RUNX2: variants seen among roughly 807,000 people sequenced by gnomAD.
RUNX2 encodes the protein RUNX family transcription factor 2, also known as runt-related transcription factor 2.
Under a neutral mutation model 51.7 loss-of-function variants are expected in RUNX2, and 10 were observed. The observed-to-expected ratio is 0.19, with a 90% CI of 0.12 to 0.33. The LOEUF (loss-of-function observed/expected upper bound fraction) is 0.33, where lower values mean the gene tolerates loss of function less well. Ranked by LOEUF, RUNX2 falls within the 10% of genes least tolerant of loss-of-function variation. The probability of loss-of-function intolerance (pLI) is 1.00; values close to 1 mark genes in which losing one functional copy is unlikely to be tolerated. For synonymous variants in RUNX2, 276 were observed against 273.6 expected, an observed-to-expected ratio of 1.01 and a Z score of -0.09; for missense variants, 562 against 691.3, an observed-to-expected ratio of 0.81 and a Z score of 2.10.
intron 2 of RUNX2, among the ~76,000 whole-genome samples, chr6:45,344,569 G>C (rs567720219): frequency 6.6e-6 from 1 of 151,766 alleles, no homozygotes; most frequent in South Asian, 2.1e-4. Context: ...ACTGCTTTAC[G>C]ATATGCACAA....
At chr6:45,417,958 C>A (rs957257256) in intron 2 of RUNX2, among the ~76,000 whole-genome samples, 1 of 152,186 alleles carries the variant, frequency 6.6e-6, no homozygotes, top group Non-Finnish European at 1.5e-5. Context: ...AGTGGCAATG[C>A]TGCTTCTTCA....
rs1216477962 is a variant in RUNX2 at position 45,370,991 on chromosome 6, T to C, written c.58+42207T>C. ...TGCCTATCAGATTATCCTTAAGCCC[T>C]GACAAATGGCACATAGCACACTTAC... On this transcript the variant is annotated intron_variant, in intron 2 of 8. Transcript: ENST00000647337. 2.6e-5 allele frequency among the ~76,000 whole-genome samples: 4 copies of C among 152,330 alleles called. No individual in the cohort carries two copies. The East Asian group carries it at 7.7e-4, about 29-fold the overall frequency.
At chr6:45,370,679 A>T (rs1795913049) in intron 2 of RUNX2, among the ~76,000 whole-genome samples, 1 of 152,190 alleles carries the variant, frequency 6.6e-6, no homozygotes, top group Admixed American at 6.5e-5. Flanking sequence ...AATTGAAAAT[A>T]TCAAAACACC....
intron 5 of RUNX2, among the ~76,000 whole-genome samples, chr6:45,448,109 A>C (rs1799055858): frequency 6.6e-6 from 1 of 152,188 alleles, no homozygotes; most frequent in Non-Finnish European, 1.5e-5. Context: ...ACTCTGGAGA[A>C]CTCTGGAGAG....
intron 5 of RUNX2, among the ~76,000 whole-genome samples, chr6:45,488,739 C>A (rs1230801976): frequency 1.3e-5 from 2 of 152,154 alleles, no homozygotes; most frequent in African/African-American, 2.4e-5. Flanking sequence ...AGAAGGGATC[C>A]AGGACTGAGC....
chr6:45,536,975 A>G lies in RUNX2; in HGVS notation c.1022-8242A>G, dbSNP rs73448195. On this transcript the variant is annotated intron_variant, in intron 7 of 8. Transcript: ENST00000647337. The stretch of plus-strand genomic sequence containing the variant: ...AATTTATGTATTTTCTAGCTTGGAG[A>G]CCCAATCTTTTCGGTTTCCTTCTTC... 5.3e-3 allele frequency among the ~76,000 whole-genome samples: 813 copies of G among 152,142 alleles called. 6 individuals are homozygous for G. The highest frequency in any genetic ancestry group is 0.019 in the African/African-American group (781 of 41,488).
chr6:45,490,601 C>G (rs1322081848), intron 5 of RUNX2, among the ~76,000 whole-genome samples: 1 of 152,212 alleles, frequency 6.6e-6, no homozygotes, highest in African/African-American at 2.4e-5. Context: ...TTAACCCTAT[C>G]CTGATACATT....
At chr6:45,355,074 A>C (rs951573295) in intron 2 of RUNX2, among the ~76,000 whole-genome samples, 7 of 151,920 alleles carry the variant, frequency 4.6e-5, no homozygotes, top group African/African-American at 1.7e-4. Context: ...ACTTGGGCTT[A>C]AGCAATCCTT....
At chr6:45,545,499 T>C (rs923260405) in intron 8 of RUNX2, among the ~76,000 whole-genome samples, 4 of 152,246 alleles carry the variant, frequency 2.6e-5, no homozygotes, top group African/African-American at 7.2e-5. Flanking sequence ...TCAGCACCTT[T>C]AAAGAAAAGT....
intron 5 of RUNX2, among the ~76,000 whole-genome samples, chr6:45,475,981 A>C (rs1799944506): frequency 1.3e-5 from 2 of 152,350 alleles, no homozygotes; most frequent in South Asian, 4.1e-4. Flanking sequence ...GAAAAGTAAG[A>C]GGTCCAAAAA....
rs1008742381 is a variant in RUNX2 at position 45,368,763 on chromosome 6, CAG to C, written c.58+39982_58+39983del. On this transcript the variant is annotated intron_variant, in intron 2 of 8. Coordinates refer to ENST00000647337, the MANE Select transcript of RUNX2 (RefSeq NM_001024630.4). ...CCTATGTACTGATTTTGAGCATCTA[CAG>C]AGTCTCAATTCTAATGATAACCTGA... Among the ~76,000 whole-genome samples, 5 of 152,196 alleles carry C rather than the reference CAG, an allele frequency of 3.3e-5. No individual in the cohort carries two copies. In the South Asian group the frequency reaches 8.3e-4, roughly 25 times the overall value.
intron 7 of RUNX2, 36 bp downstream of exon 7, chr6:45,512,443 C>T: frequency 6.2e-7 from 1 of 1,609,890 alleles, no homozygotes; most frequent in Non-Finnish European, 8.5e-7. Flanking sequence ...TCCATCCCTG[C>T]ACAGGGGTCG....
At chr6:45,348,929 C>T (rs1791476723) in intron 2 of RUNX2, among the ~76,000 whole-genome samples, 2 of 152,146 alleles carry the variant, frequency 1.3e-5, no homozygotes, top group African/African-American at 2.4e-5. Flanking sequence ...GAGTCCTTAT[C>T]ACAATTTATA....
At chr6:45,515,960 A>G (rs1383878851) in intron 7 of RUNX2, among the ~76,000 whole-genome samples, 1 of 152,206 alleles carries the variant, frequency 6.6e-6, no homozygotes, top group Admixed American at 6.5e-5. Flanking sequence ...CTAAAAGACC[A>G]TTCCAAAGAA....
intron 2 of RUNX2, among the ~76,000 whole-genome samples, chr6:45,406,791 G>A (rs994686249): frequency 1.2e-4 from 18 of 152,064 alleles, no homozygotes; most frequent in Admixed American, 6.5e-4. Flanking sequence ...CCCAATCCCC[G>A]AAAATACTAA....
intron 5 of RUNX2, among the ~76,000 whole-genome samples, chr6:45,451,021 A>G (rs1314442934): frequency 6.6e-6 from 1 of 152,202 alleles, no homozygotes; most frequent in African/African-American, 2.4e-5. Flanking sequence ...TAAGGCTTCG[A>G]GGACAGGATG....
At chr6:45,375,340 G>A (rs1367520387) in intron 2 of RUNX2, among the ~76,000 whole-genome samples, 1 of 152,188 alleles carries the variant, frequency 6.6e-6, no homozygotes, top group East Asian at 1.9e-4. Context: ...ATAGTGAAAG[G>A]GGTTCTATTA....
intron 5 of RUNX2, among the ~76,000 whole-genome samples, chr6:45,446,132 C>T (rs1037241280): frequency 2.6e-5 from 4 of 152,318 alleles, no homozygotes; most frequent in African/African-American, 9.6e-5. Context: ...CATTAACATC[C>T]TTTCATGGCA....
intron 2 of RUNX2, among the ~76,000 whole-genome samples, chr6:45,362,680 C>A (rs2150257837): frequency 6.6e-6 from 1 of 152,248 alleles, no homozygotes. Context: ...TTAGGAGTGG[C>A]CTCTCTATGA....
Sources: allele counts gnomAD v4.1 joint callset (sites outside exome capture counted in the v4.1 genomes callset), GRCh38; gene constraint gnomAD v4.1.1; transcripts MANE v1.5; gene names NCBI Gene and HGNC (gene_info 2026-07-23, HGNC 2026-07-21).